Variants in MYH15 observed in about 807,000 individuals in gnomAD.
MYH15 encodes the protein myosin-15.
Under a neutral mutation model 240.5 loss-of-function variants are expected in MYH15, and 227 were observed. The observed-to-expected ratio is 0.94, with a 90% CI of 0.85 to 1.05. The LOEUF (loss-of-function observed/expected upper bound fraction) is 1.05, where lower values mean the gene tolerates loss of function less well. MYH15 is among the 50% of genes least tolerant of loss of function. The probability of loss-of-function intolerance (pLI) is 0.00; values close to 1 mark genes in which losing one functional copy is unlikely to be tolerated. For missense variants in MYH15, 2,217 were observed against 2,247.5 expected (o/e 0.99, Z 0.27); for synonymous variants, 785 against 796.7 (o/e 0.99, Z 0.25).
chr3:108,455,792 C>A lies in MYH15; in HGVS notation c.2206G>T (p.Glu736Ter). 3 of 1,613,550 alleles carry A rather than the reference C, an allele frequency of 1.9e-6. No individual in the cohort carries two copies. The highest frequency in any genetic ancestry group is 2.5e-6 in the Non-Finnish European group (3 of 1,179,522). The change falls in exon 20 of 41, where the codon GAA becomes TAA. Residue 736 changes from glutamate (E) to a stop codon, truncating the protein, a stop_gained. Transcript: ENST00000693548. LOFTEE classifies it high-confidence loss of function. ...KFVSSRKAAE[E>*]LLGSLEIDHT... Reference sequence around the variant, plus strand: ...TCTATCTCCAAGGAGCCAAGTAATTCTTCAGCTGCTTTTCTGCTGCTCACA... The same window carrying A: ...TCTATCTCCAAGGAGCCAAGTAATTATTCAGCTGCTTTTCTGCTGCTCACA...
At position 108,499,134 on chromosome 3, in the gene MYH15, C is replaced by T. The variant is rs143735178; in HGVS notation, c.524+321G>A. 2.1e-3 allele frequency among the ~76,000 whole-genome samples: 319 copies of T among 152,244 alleles called. 2 individuals carry two copies. Among genetic ancestry groups the T allele is most frequent in the African/African-American group, 7.4e-3 (308 of 41,524 alleles). ...GTTCAGCCCCTCTGCTTAGCCAGTC[C>T]AGAGGCCTTTGAAGATGACCATTTG... On this transcript the variant is annotated intron_variant, in intron 5 of 40. Coordinates refer to ENST00000693548, the MANE Select transcript of MYH15 (RefSeq NM_014981.3).
intron 39 of MYH15, among the ~76,000 whole-genome samples, chr3:108,384,484 C>G (rs1349292579): frequency 6.6e-6 from 1 of 152,154 alleles, no homozygotes; most frequent in Non-Finnish European, 1.5e-5. Flanking sequence ...AAGGAGAGAG[C>G]TCTGGCTTCC....
intron 38 of MYH15, 75 bp from the exon 39 acceptor site, chr3:108,384,857 G>T (rs2082370082): frequency 1.5e-6 from 2 of 1,290,640 alleles, no homozygotes; most frequent in Non-Finnish European, 2.2e-6. Context: ...CTCATGTGGG[G>T]AAATAAGGAT....
intron 14 of MYH15, among the ~76,000 whole-genome samples, chr3:108,469,407 G>A (rs548149298): frequency 6.6e-6 from 1 of 152,304 alleles, no homozygotes; most frequent in South Asian, 2.1e-4. Context: ...AGGACCATAC[G>A]TAATCCCCCA....
rs753486570 is a variant in MYH15, at chr3:108,470,212, A to T, written c.1384T>A (p.Tyr462Asn). 8 of 1,593,560 alleles carry T rather than the reference A, an allele frequency of 5.0e-6. 1 individual carries two copies. In the South Asian group the frequency reaches 8.0e-5, roughly 16 times the overall value. The change falls in exon 14 of 41, where the codon TAT (tyrosine) becomes AAT (asparagine). Residue 462 changes from tyrosine (Y) to asparagine (N), a missense_variant and splice_region_variant. Coordinates refer to ENST00000693548, the MANE Select transcript of MYH15 (RefSeq NM_014981.3). ...LDITGFEILE[Y>N]NSLEQLCINF... ...ATGCAAAGTTGCTCAAGGCTATTAT[A>T]CTTCAAGGATATGAATAGGTAAGAA...
chr3:108,383,656 GC>G lies in MYH15; in HGVS notation c.5704del (p.Ala1902GlnfsTer95). ...QHELNEVKER[A>X]EVAESQVNKL... Reference sequence around the variant, plus strand: ...ATTGACTTGAGATTCTGCCACCTCTGCCCTTTCCTTCACTTCATTCAACTCA... The same window carrying G: ...ATTGACTTGAGATTCTGCCACCTCTGCCTTTCCTTCACTTCATTCAACTCA... On this transcript the variant is annotated frameshift_variant, in exon 40 of 41. Coordinates refer to ENST00000693548, the MANE Select transcript of MYH15 (RefSeq NM_014981.3). LOFTEE classifies it high-confidence loss of function. 2 of 1,611,434 alleles carry G rather than the reference GC, an allele frequency of 1.2e-6. No homozygotes were observed. The highest frequency in any genetic ancestry group is 2.7e-5 in the African/African-American group (2 of 74,496).
Position 108,470,803 on chromosome 3 carries a change from C to A in MYH15, c.1278G>T (p.Arg426Ser). Reference protein sequence around the residue: ...VGALSKSMYERMFKWLVARIN... With the variant: ...VGALSKSMYESMFKWLVARIN... ...TCCGTGCCACTAGCCACTTAAACAT[C>A]CTTTCATACATTGACTTGGACAGGG... The change falls in exon 13 of 41, where the codon AGG becomes AGT. Residue 426 changes from arginine to serine, a missense_variant. By Grantham distance (110) the Arg-to-Ser change is moderately radical. Transcript: ENST00000693548. 6.2e-7 allele frequency: 1 copy of A among 1,613,844 alleles called. No individual in the cohort carries two copies. Among genetic ancestry groups the A allele is most frequent in the Non-Finnish European group, 8.5e-7 (1 of 1,179,844 alleles).
Position 108,437,701 on chromosome 3 carries a change from T to C in MYH15, c.3076-2A>G. On this transcript the variant is annotated splice_acceptor_variant, in intron 24 of 40. Coordinates refer to ENST00000693548, the MANE Select transcript of MYH15 (RefSeq NM_014981.3). LOFTEE classifies it high-confidence loss of function. ...CTCCTGCTCAAGGGCACCCTCAAGC[T>C]GACAAAAGGAAACATTATTTAGCTA... is the stretch of plus-strand genomic sequence containing the variant. The C allele has an allele frequency of 6.2e-7, 1 of 1,608,762 alleles. No individual in the cohort carries two copies. The highest frequency in any genetic ancestry group is 8.5e-7 in the Non-Finnish European group (1 of 1,178,512).
chr3:108,417,164 C>G (rs544667873), intron 28 of MYH15, among the ~76,000 whole-genome samples: 1 of 152,290 alleles, frequency 6.6e-6, no homozygotes, highest in East Asian at 1.9e-4. Flanking sequence ...GAATCGATAA[C>G]AGATGATATT....
chr3:108,430,756 G>T, intron 26 of MYH15, 76 bp downstream of exon 26: 2 of 1,155,868 alleles, frequency 1.7e-6, no homozygotes, highest in Non-Finnish European at 2.6e-6. Flanking sequence ...CCTTGGCAGA[G>T]AATTAGTCAT....
At chr3:108,475,643 G>A (rs773115293) in intron 12 of MYH15, among the ~76,000 whole-genome samples, 6 of 152,176 alleles carry the variant, frequency 3.9e-5, no homozygotes, top group Non-Finnish European at 8.8e-5. Context: ...AGAGAAGGCT[G>A]TATACTCTGT....
chr3:108,546,247 T>C, the MYH15 span, among the ~76,000 whole-genome samples: 5 of 152,288 alleles, frequency 3.3e-5, no homozygotes, highest in South Asian at 2.1e-4. Flanking sequence ...CCCTGCCTAA[T>C]TGAAGATGAA....
chr3:108,425,764 C>T (rs2082720394), intron 27 of MYH15, among the ~76,000 whole-genome samples: 1 of 152,266 alleles, frequency 6.6e-6, no homozygotes, highest in African/African-American at 2.4e-5. Context: ...CATTAAGAAT[C>T]CTTCTGATGA....
chr3:108,444,941 G>T, intron 21 of MYH15, 46 bp from the exon 22 acceptor site: 1 of 1,539,510 alleles, frequency 6.5e-7, no homozygotes, highest in South Asian at 1.3e-5. Flanking sequence ...CCTGACTATA[G>T]GAGAATTAGT....
At chr3:108,522,722 T>G (rs934647183) in intron 1 of MYH15, among the ~76,000 whole-genome samples, 6 of 152,094 alleles carry the variant, frequency 3.9e-5, no homozygotes, top group African/African-American at 1.4e-4. Context: ...AGAGGAAATG[T>G]TTTATAGCGT....
chr3:108,452,121 G>C (rs2082979074), intron 21 of MYH15, among the ~76,000 whole-genome samples: 1 of 152,140 alleles, frequency 6.6e-6, no homozygotes. Flanking sequence ...GAGAACATGG[G>C]ACAAGGGGAC....
intron 35 of MYH15, among the ~76,000 whole-genome samples, chr3:108,398,329 A>G (rs891369416): frequency 1.3e-5 from 2 of 152,210 alleles, no homozygotes; most frequent in African/African-American, 2.4e-5. Context: ...GGGGCAAGGA[A>G]GGATTTCCCT....
chr3:108,485,602 C>T (rs1294555945), intron 10 of MYH15, among the ~76,000 whole-genome samples: 1 of 152,120 alleles, frequency 6.6e-6, no homozygotes, highest in Admixed American at 6.5e-5. Context: ...TTTCTGTGAT[C>T]CCACAGGTTC....
intron 30 of MYH15, among the ~76,000 whole-genome samples, 160 bp from the exon 31 acceptor site, chr3:108,411,092 A>G (rs561159804): frequency 3.9e-5 from 6 of 152,140 alleles, no homozygotes; most frequent in Admixed American, 2.6e-4. Flanking sequence ...TCTGAAAGTG[A>G]CCTCACTGTC....
Sources: allele counts gnomAD v4.1 joint callset (sites outside exome capture counted in the v4.1 genomes callset), GRCh38; gene constraint gnomAD v4.1.1; transcripts MANE v1.5; gene names NCBI Gene and HGNC (gene_info 2026-07-23, HGNC 2026-07-21).